Variants in CHN1 observed in about 807,000 individuals in gnomAD.
The protein encoded by CHN1 is N-chimaerin.
Under a neutral mutation model 59.5 loss-of-function variants are expected in CHN1, and 37 were observed. The observed-to-expected ratio is 0.62, with a 90% CI of 0.48 to 0.82. The LOEUF (loss-of-function observed/expected upper bound fraction) is 0.82. CHN1 is among the 40% of genes least tolerant of loss of function. CHN1 has a pLI of 0.00. For synonymous variants in CHN1, 206 were observed against 200.4 expected, an observed-to-expected ratio of 1.03 and a Z score of -0.24; for missense variants, 469 against 571.0, an observed-to-expected ratio of 0.82 and a Z score of 1.82.
intron 6 of CHN1, among the ~76,000 whole-genome samples, chr2:174,872,019 C>T (rs914024380): frequency 4.6e-5 from 7 of 152,118 alleles, no homozygotes; most frequent in Non-Finnish European, 8.8e-5. Flanking sequence ...CTGTGGCTCA[C>T]GTCTGTAATC....
intron 5 of CHN1, among the ~76,000 whole-genome samples, chr2:174,914,671 C>G (rs1038776554): frequency 1.3e-5 from 2 of 151,708 alleles, no homozygotes; most frequent in South Asian, 4.2e-4. Context: ...GGTGAAACCC[C>G]GTCTCTACTA....
intron 7 of CHN1, 32 bp downstream of exon 7, chr2:174,846,848 T>C (rs768036014): frequency 6.6e-7 from 1 of 1,513,074 alleles, no homozygotes; most frequent in South Asian, 1.3e-5. Flanking sequence ...GTAATATGCA[T>C]TTCTTAAAAG....
chr2:174,918,610 T>C lies in CHN1; in HGVS notation c.115-45A>G, dbSNP rs1363232998. The stretch of plus-strand genomic sequence containing the variant: ...ACAGGCATATTTGTAAAAATGCAAA[T>C]GTGCAGAACATAACTCAACATTTTG... On this transcript the variant is annotated intron_variant, in intron 3 of 12. Coordinates refer to ENST00000409900, the MANE Select transcript of CHN1 (RefSeq NM_001822.7). 3 of 1,488,920 alleles carry C rather than the reference T, an allele frequency of 2.0e-6. No homozygotes were observed. In the Admixed American group the frequency reaches 5.8e-5, roughly 29 times the overall value. The allele number at this position is 1,488,920 out of a possible 1,614,324, so 92.2% of individuals were successfully genotyped here.
chr2:174,822,481 G>C (rs1215175292), intron 8 of CHN1, among the ~76,000 whole-genome samples: 1 of 152,098 alleles, frequency 6.6e-6, no homozygotes, highest in Admixed American at 6.6e-5. Context: ...TTCTTATGTA[G>C]ATGGGCTTCA....
chr2:174,977,728 G>A (rs554102729), intron 1 of CHN1, among the ~76,000 whole-genome samples: 1 of 152,240 alleles, frequency 6.6e-6, no homozygotes, highest in East Asian at 1.9e-4. Flanking sequence ...TTCAGGATAA[G>A]ATCACTAAAA....
At chr2:174,951,791 A>C (rs1690031903) in intron 2 of CHN1, among the ~76,000 whole-genome samples, 1 of 152,138 alleles carries the variant, frequency 6.6e-6, no homozygotes, top group South Asian at 2.1e-4. Context: ...TAGCCTCCTG[A>C]ATTATTGTCA....
chr2:174,846,350 C>T, intron 7 of CHN1: 1 of 1,549,242 alleles, frequency 6.5e-7, no homozygotes, highest in Non-Finnish European at 8.7e-7. Flanking sequence ...TGAGGAGAAG[C>T]TGCTAGTGTC....
intron 3 of CHN1, among the ~76,000 whole-genome samples, chr2:174,929,605 A>C (rs1422928540): frequency 6.6e-6 from 1 of 152,140 alleles, no homozygotes; most frequent in Non-Finnish European, 1.5e-5. Flanking sequence ...ATATTTGAGA[A>C]AACCCTTTGC....
Position 174,981,933 on chromosome 2 carries a change from C to T in CHN1, c.19+22961G>A, listed in dbSNP as rs189957232. On this transcript the variant is annotated intron_variant, in intron 1 of 12. Coordinates refer to ENST00000409900, the MANE Select transcript of CHN1 (RefSeq NM_001822.7). ...TAAACATTAGGTATATCTCCTAATGCTATCCCTCCCTGCTCCCCCCACCCC... is the reference window on the plus strand; with the variant it reads ...TAAACATTAGGTATATCTCCTAATGTTATCCCTCCCTGCTCCCCCCACCCC... Among the ~76,000 whole-genome samples the T allele has an allele frequency of 2.0e-3, 303 of 152,248 alleles. 3 individuals carry two copies. The highest frequency in any genetic ancestry group is 7.0e-3 in the African/African-American group (290 of 41,538).
intron 3 of CHN1, 49 bp downstream of exon 3, chr2:174,944,839 A>G: frequency 7.2e-7 from 1 of 1,390,750 alleles, no homozygotes; most frequent in Non-Finnish European, 1.0e-6. Context: ...AAAGTTTGGG[A>G]AACAGATGGT....
At chr2:174,872,688 C>T (rs1289386497) in intron 6 of CHN1, among the ~76,000 whole-genome samples, 1 of 152,162 alleles carries the variant, frequency 6.6e-6, no homozygotes, top group African/African-American at 2.4e-5. Context: ...TTGCTCCTAA[C>T]ACAAGATAAC....
intron 7 of CHN1, among the ~76,000 whole-genome samples, chr2:174,825,970 T>C (rs1298560878): frequency 1.3e-5 from 2 of 152,160 alleles, no homozygotes; most frequent in Non-Finnish European, 2.9e-5. Context: ...TAAGAATCAA[T>C]GAAACAGAAT....
intron 5 of CHN1, among the ~76,000 whole-genome samples, chr2:174,909,419 A>G (rs151235948): frequency 0.011 from 1,681 of 152,318 alleles, 10 homozygotes; most frequent in Non-Finnish European, 0.016. Context: ...CAATCAGTAC[A>G]TGCATTTCCC....
At chr2:174,826,507 G>C (rs1277280640) in intron 7 of CHN1, among the ~76,000 whole-genome samples, 4 of 152,178 alleles carry the variant, frequency 2.6e-5, no homozygotes, top group African/African-American at 4.8e-5. Context: ...ACTTGGTAAG[G>C]TGACTAAAGA....
In CHN1 at chr2:174,800,216, A is replaced by G; in HGVS notation, c.1280T>C (p.Met427Thr). The G allele has an allele frequency of 3.3e-6, 5 of 1,513,920 alleles. No individual in the cohort carries two copies. Among genetic ancestry groups the G allele is most frequent in the Non-Finnish European group, 4.4e-6 (5 of 1,135,198 alleles). The allele number at this position is 1,513,920 out of a possible 1,614,324, so 93.8% of individuals were successfully genotyped here. ...CATGGCGTCTAGTTCTGGAGATCTC[A>G]TAAGGGTGGGTCCAAAGACGATTCC... is the stretch of plus-strand genomic sequence containing the variant. ...NLGIVFGPTL[M>T]RSPELDAMAA... The change falls in exon 13 of 13, where the codon ATG (methionine) becomes ACG (threonine). Residue 427 changes from methionine to threonine, a missense_variant. Physicochemically the swap from Met to Thr is moderately conservative, Grantham distance 81. This residue lies in a region of CHN1 where 225 missense variants were observed against 289.9 expected (regional missense o/e 0.78). Coordinates refer to ENST00000409900, the MANE Select transcript of CHN1 (RefSeq NM_001822.7).
In CHN1 at chr2:174,818,198, T is replaced by C. The variant is rs116966956; in HGVS notation, c.713-5716A>G. On this transcript the variant is annotated intron_variant, in intron 8 of 12. Coordinates refer to ENST00000409900, the MANE Select transcript of CHN1 (RefSeq NM_001822.7). ...AAGAGGGAAATGTTTTCTAAACTGA[T>C]GTTCTCTCTTTTATTTAAATAAGAT... Among the ~76,000 whole-genome samples the C allele has an allele frequency of 1.4e-3, 219 of 152,362 alleles. 7 individuals carry two copies. In the East Asian group the frequency reaches 0.04, roughly 28 times the overall value.
At chr2:174,850,814 G>C (rs952812250) in intron 6 of CHN1, among the ~76,000 whole-genome samples, 1 of 152,174 alleles carries the variant, frequency 6.6e-6, no homozygotes, top group Admixed American at 6.6e-5. Flanking sequence ...AAGCAGATTA[G>C]GAGAGAAGTG....
intron 5 of CHN1, among the ~76,000 whole-genome samples, chr2:174,884,747 ATAT>A (rs942030334): frequency 2.6e-5 from 4 of 152,122 alleles, no homozygotes; most frequent in Non-Finnish European, 5.9e-5. Flanking sequence ...GTGATAATTA[ATAT>A]TATGCATTTG....
chr2:174,866,380 T>C (rs1163816689), intron 6 of CHN1, among the ~76,000 whole-genome samples: 5 of 152,152 alleles, frequency 3.3e-5, no homozygotes, highest in Non-Finnish European at 7.4e-5. Context: ...TTGTATAAAA[T>C]CAAAAGTGAT....
Sources: gnomAD v4.1 joint callset for allele counts (sites outside exome capture counted in the v4.1 genomes callset) on GRCh38, gnomAD v4.1.1 for gene constraint, gnomAD v4.1.1 regional missense constraint, MANE v1.5 for transcripts, NCBI Gene and HGNC (gene_info 2026-07-23, HGNC 2026-07-21) for gene names.